The following NRXN1 variants were observed in gnomAD, a reference collection of about 807,000 sequenced individuals.
The protein encoded by NRXN1 is neurexin-1.
In NRXN1, 39 loss-of-function variants were observed where a neutral mutation model predicts 150.9. The ratio of observed to expected loss-of-function variants is 0.26; its 90% CI spans 0.20 to 0.34. NRXN1 has a LOEUF of 0.34. NRXN1 is among the 10% of genes least tolerant of loss of function. The pLI, the probability that NRXN1 is intolerant of heterozygous loss-of-function variation, is 1.00. For synonymous variants in NRXN1, 924 were observed against 757.0 expected, an observed-to-expected ratio of 1.22 and a Z score of -3.62; for missense variants, 1,815 against 1,949.9, an observed-to-expected ratio of 0.93 and a Z score of 1.30.
At chr2:50,881,265 T>A (rs1026681314) in intron 5 of NRXN1, among the ~76,000 whole-genome samples, 5 of 151,958 alleles carry the variant, frequency 3.3e-5, no homozygotes, top group African/African-American at 1.2e-4. Flanking sequence ...TCTTTAGCAA[T>A]CTATTCCCCT....
intron 8 of NRXN1, among the ~76,000 whole-genome samples, chr2:50,594,677 A>G (rs1674856327): frequency 6.6e-6 from 1 of 152,200 alleles, no homozygotes; most frequent in African/African-American, 2.4e-5. Flanking sequence ...CTACCTAATC[A>G]TTGAAGAAAT....
chr2:49,982,228 T>A (rs907759079), intron 21 of NRXN1, among the ~76,000 whole-genome samples: 2 of 152,306 alleles, frequency 1.3e-5, no homozygotes, highest in Middle Eastern at 6.8e-3. Flanking sequence ...ATGAATAGAT[T>A]ATCAATAGAT....
chr2:50,815,597 A>G (rs1363170362), intron 5 of NRXN1, among the ~76,000 whole-genome samples: 2 of 152,092 alleles, frequency 1.3e-5, no homozygotes, highest in Admixed American at 6.6e-5. Flanking sequence ...TTGTAAAATG[A>G]TTTAAAATTT....
At chr2:50,177,999 A>C (rs927761928) in intron 18 of NRXN1, among the ~76,000 whole-genome samples, 2 of 152,016 alleles carry the variant, frequency 1.3e-5, no homozygotes, top group African/African-American at 4.8e-5. Flanking sequence ...AAGTGGTCAT[A>C]ATCTCTTTAG....
intron 12 of NRXN1, among the ~76,000 whole-genome samples, chr2:50,521,858 G>A (rs2092797440): frequency 6.6e-6 from 1 of 152,116 alleles, no homozygotes; most frequent in Non-Finnish European, 1.5e-5. Context: ...TCCAGCAACT[G>A]GATCATCTGC....
chr2:50,185,104 G>C (rs1267646112), intron 18 of NRXN1, among the ~76,000 whole-genome samples: 1 of 152,076 alleles, frequency 6.6e-6, no homozygotes, highest in African/African-American at 2.4e-5. Flanking sequence ...AAGTGATGGG[G>C]AGAATGAGAG....
chr2:50,462,411 A>G (rs1415760016), intron 17 of NRXN1, among the ~76,000 whole-genome samples: 1 of 151,742 alleles, frequency 6.6e-6, no homozygotes, highest in Non-Finnish European at 1.5e-5. Flanking sequence ...GAAAGAAAGA[A>G]CAAAACTGGC....
chr2:50,231,718 T>A (rs532916545), intron 18 of NRXN1, among the ~76,000 whole-genome samples: 1 of 152,072 alleles, frequency 6.6e-6, no homozygotes, highest in African/African-American at 2.4e-5. Flanking sequence ...ATGTTAATAT[T>A]TGTGGTAGTG....
At chr2:50,703,565 G>A (rs1413371337) in intron 5 of NRXN1, among the ~76,000 whole-genome samples, 1 of 152,106 alleles carries the variant, frequency 6.6e-6, no homozygotes, top group Admixed American at 6.6e-5. Context: ...GGTGATCAAT[G>A]GTTGCCCAAA....
intron 5 of NRXN1, among the ~76,000 whole-genome samples, chr2:50,676,436 C>A (rs1379005678): frequency 6.6e-6 from 1 of 152,094 alleles, no homozygotes; most frequent in Non-Finnish European, 1.5e-5. Context: ...TAGGTTTTAG[C>A]GTAGAATGTC....
intron 15 of NRXN1, among the ~76,000 whole-genome samples, chr2:50,474,270 T>A (rs1383679350): frequency 2.0e-5 from 3 of 151,912 alleles, no homozygotes; most frequent in African/African-American, 7.2e-5. Context: ...CAAAATTAGC[T>A]TTCTGTATTT....
intron 20 of NRXN1, among the ~76,000 whole-genome samples, chr2:50,054,402 C>A (rs1373883728): frequency 6.6e-6 from 1 of 152,146 alleles, no homozygotes; most frequent in Non-Finnish European, 1.5e-5. Context: ...GCTCTCTGCT[C>A]ATAAAAGCAT....
chr2:49,938,655 T>C (rs1410357635), intron 22 of NRXN1, among the ~76,000 whole-genome samples: 1 of 152,228 alleles, frequency 6.6e-6, no homozygotes, highest in South Asian at 2.1e-4. Context: ...TCACAGAGAA[T>C]TGACGTATTA....
In NRXN1 at chr2:49,942,273, G is replaced by A. The variant is rs774642796; in HGVS notation, c.4216+1431C>T. ...GAGCATACCCAGCCTGGTCTCCCAC[G>A]CCCTGTCCTGTTGCGAGGTGACTGC... On this transcript the variant is annotated intron_variant, in intron 22 of 22. Coordinates refer to ENST00000401669, the MANE Select transcript of NRXN1 (RefSeq NM_001330078.2). Among the ~76,000 whole-genome samples, 7 of 152,184 alleles carry A rather than the reference G, an allele frequency of 4.6e-5. No homozygotes were observed. The South Asian group carries it at 8.3e-4, about 18-fold the overall frequency.
intron 17 of NRXN1, among the ~76,000 whole-genome samples, chr2:50,319,775 C>T (rs2075877205): frequency 1.3e-5 from 2 of 152,032 alleles, no homozygotes; most frequent in African/African-American, 4.8e-5. Flanking sequence ...TGCATCCTGT[C>T]AAAGAAGCTG....
At chr2:49,988,029 G>C (rs1320957663) in intron 21 of NRXN1, among the ~76,000 whole-genome samples, 1 of 152,002 alleles carries the variant, frequency 6.6e-6, no homozygotes, top group African/African-American at 2.4e-5. Context: ...ACTTTTATGT[G>C]TTCTACTGCC....
intron 2 of NRXN1, among the ~76,000 whole-genome samples, chr2:51,001,763 T>C (rs559807880): frequency 6.6e-6 from 1 of 151,998 alleles, no homozygotes; most frequent in Non-Finnish European, 1.5e-5. Context: ...CAGGATATAA[T>C]ATCCCCAAAT....
At chr2:50,000,290 A>G (rs376159339) in intron 21 of NRXN1, among the ~76,000 whole-genome samples, 10 of 152,340 alleles carry the variant, frequency 6.6e-5, no homozygotes, top group African/African-American at 2.4e-4. Context: ...ACTGGAAAAG[A>G]ATAAAACAAA....
At chr2:50,087,452 A>G (rs10746528) in intron 19 of NRXN1, among the ~76,000 whole-genome samples, 139,915 of 152,116 alleles carry the variant, frequency 0.92, 64,534 homozygotes, top group East Asian at 1. Context: ...ATCTTTAGTC[A>G]GGGTAAGCAA....
Sources: gnomAD v4.1 joint callset for allele counts (sites outside exome capture counted in the v4.1 genomes callset) on GRCh38, gnomAD v4.1.1 for gene constraint, MANE v1.5 for transcripts, NCBI Gene and HGNC (gene_info 2026-07-23, HGNC 2026-07-21) for gene names.